ZPBP: variants seen among roughly 807,000 people sequenced by gnomAD.
The protein encoded by ZPBP is zona pellucida-binding protein 1.
A neutral mutation model predicts 44.8 loss-of-function variants in ZPBP; 26 were observed. The observed-to-expected ratio is 0.58, with a 90% confidence interval of 0.43 to 0.81. The LOEUF is 0.81. Among genes scored for constraint, ZPBP ranks in the 30% least tolerant of loss-of-function variants. The pLI, the probability that ZPBP is intolerant of heterozygous loss-of-function variation, is 0.00. For synonymous variants in ZPBP, 174 were observed against 153.2 expected (o/e 1.14, Z -1.00); for missense variants, 409 against 434.0 (o/e 0.94, Z 0.51).
intron 2 of ZPBP, among the ~76,000 whole-genome samples, chr7:50,088,565 CAAAAAG>C: frequency 6.6e-6 from 1 of 151,772 alleles, no homozygotes; most frequent in East Asian, 1.9e-4. Flanking sequence ...AATTCAACAA[CAAAAAG>C]AAAACCACCA....
At chr7:49,870,244 C>A (rs1030089332) in intron 2 of ZPBP, among the ~76,000 whole-genome samples, 2 of 152,048 alleles carry the variant, frequency 1.3e-5, no homozygotes, top group African/African-American at 4.8e-5. Flanking sequence ...ACTAAAAATA[C>A]AAAAAATTAG....
At chr7:50,010,155 GTA>G (rs1798502529) in intron 6 of ZPBP, among the ~76,000 whole-genome samples, 1 of 151,900 alleles carries the variant, frequency 6.6e-6, no homozygotes, top group Admixed American at 6.6e-5. Context: ...ATATAGAAAG[GTA>G]TGACCCTAAA....
At chr7:49,949,312 G>A (rs534636716) in intron 7 of ZPBP, among the ~76,000 whole-genome samples, 2 of 152,164 alleles carry the variant, frequency 1.3e-5, no homozygotes, top group South Asian at 4.1e-4. Flanking sequence ...CTGAAAGCAG[G>A]ATCTTGCAGG....
At chr7:50,084,001 A>G (rs1584197164) in intron 2 of ZPBP, among the ~76,000 whole-genome samples, 1 of 152,046 alleles carries the variant, frequency 6.6e-6, no homozygotes, top group Non-Finnish European at 1.5e-5. Context: ...TAACATAGGC[A>G]AAGTTAACAA....
At chr7:49,998,977 A>AT (rs1797981093) in intron 6 of ZPBP, among the ~76,000 whole-genome samples, 1 of 152,038 alleles carries the variant, frequency 6.6e-6, no homozygotes, top group Non-Finnish European at 1.5e-5. Context: ...AAAATCCAAA[A>AT]TTTTTTGAGT....
At chr7:49,885,748 C>A (rs967667473) in intron 2 of ZPBP, among the ~76,000 whole-genome samples, 1 of 152,184 alleles carries the variant, frequency 6.6e-6, no homozygotes, top group African/African-American at 2.4e-5. Flanking sequence ...ATTTTAGATG[C>A]GGTTAAAGTA....
intron 2 of ZPBP, among the ~76,000 whole-genome samples, chr7:49,881,591 C>T (rs1344377982): frequency 1.3e-5 from 2 of 152,078 alleles, no homozygotes; most frequent in Non-Finnish European, 2.9e-5. Flanking sequence ...TGTGCTGTAT[C>T]GTTTCTTTGA....
At chr7:49,981,468 T>TTATATATAATATA (rs1445927683) in intron 7 of ZPBP, among the ~76,000 whole-genome samples, 3 of 71,602 alleles carry the variant, frequency 4.2e-5, no homozygotes, top group African/African-American at 1.8e-4. Flanking sequence ...ATAATATATA[T>TTATATATAATATA]AATTATATAT....
intron 1 of ZPBP, among the ~76,000 whole-genome samples, chr7:49,901,531 T>G (rs1056307462): frequency 3.3e-5 from 5 of 151,674 alleles, no homozygotes; most frequent in African/African-American, 1.2e-4. Context: ...AGGAAAAATA[T>G]AAAATTATGA....
chr7:49,987,558 G>A (rs1263751573), intron 6 of ZPBP, among the ~76,000 whole-genome samples: 1 of 152,132 alleles, frequency 6.6e-6, no homozygotes, highest in Non-Finnish European at 1.5e-5. Flanking sequence ...TAATCTTCCA[G>A]CTATACCTGT....
intron 6 of ZPBP, among the ~76,000 whole-genome samples, chr7:50,014,378 G>A (rs1798719600): frequency 6.6e-6 from 1 of 151,460 alleles, no homozygotes; most frequent in Non-Finnish European, 1.5e-5. Flanking sequence ...ACTAGCATAA[G>A]GACTGACAAA....
chr7:50,012,766 A>G (rs998555862), intron 6 of ZPBP, among the ~76,000 whole-genome samples: 3 of 150,418 alleles, frequency 2.0e-5, no homozygotes, highest in South Asian at 2.1e-4. Context: ...CATCTATTCA[A>G]TGTTGTACTG....
At chr7:49,841,361 C>T in the ZPBP span, among the ~76,000 whole-genome samples, 1 of 149,864 alleles carries the variant, frequency 6.7e-6, no homozygotes, top group Non-Finnish European at 1.5e-5. Context: ...GTAAACAGAA[C>T]AGTCAGCTCA....
chr7:50,011,772 C>CT, intron 6 of ZPBP, among the ~76,000 whole-genome samples: 1 of 110,942 alleles, frequency 9.0e-6, no homozygotes, highest in East Asian at 3.6e-4. Context: ...AAAGAAGGGG[C>CT]CAGGTGTGGT....
chr7:49,912,252 C>T, intron 1 of ZPBP: 3 of 1,492,332 alleles, frequency 2.0e-6, no homozygotes, highest in Non-Finnish European at 2.7e-6. Context: ...TTCTAGATGA[C>T]TCTGGGAACT....
In ZPBP at chr7:49,982,168, T is replaced by A. The variant is rs1232345513; in HGVS notation, c.961+1174A>T. 5.3e-3 allele frequency among the ~76,000 whole-genome samples: 21 copies of A among 3,976 alleles called. 1 individual carries two copies. Among genetic ancestry groups the A allele is most frequent in the Admixed American group, 3.7e-3 (2 of 534 alleles). 2.6% of individuals were successfully genotyped at this position (3,976 alleles called of 152,430 possible). ...AAAATATATAATATATAATATATAT[T>A]ATATATATATAATTTATTATTATAT... On this transcript the variant is annotated intron_variant, in intron 7 of 7. Coordinates refer to ENST00000046087, the MANE Select transcript of ZPBP (RefSeq NM_007009.3).
chr7:50,050,788 CAAA>C (rs751875216), intron 4 of ZPBP, among the ~76,000 whole-genome samples: 3 of 26,846 alleles, frequency 1.1e-4, no homozygotes, highest in Non-Finnish European at 2.0e-4. Flanking sequence ...GACTCCGTCT[CAAA>C]AAAAAAAAAA....
At chr7:50,088,436 T>A (rs1246465930) in intron 2 of ZPBP, among the ~76,000 whole-genome samples, 1 of 152,012 alleles carries the variant, frequency 6.6e-6, no homozygotes, top group Non-Finnish European at 1.5e-5. Flanking sequence ...GACTTCTTTA[T>A]CAAAGTTTAA....
At chr7:49,959,118 C>G (rs551003892) in intron 7 of ZPBP, among the ~76,000 whole-genome samples, 1 of 151,928 alleles carries the variant, frequency 6.6e-6, no homozygotes, top group East Asian at 1.9e-4. Flanking sequence ...CAAAGAACAT[C>G]TAAGATAACC....
Sources: gnomAD v4.1 joint callset for allele counts (sites outside exome capture counted in the v4.1 genomes callset) on GRCh38, gnomAD v4.1.1 for gene constraint, MANE v1.5 for transcripts, NCBI Gene and HGNC (gene_info 2026-07-23, HGNC 2026-07-21) for gene names.